Variants in UTP18 observed in about 807,000 individuals in gnomAD.
UTP18 encodes UTP18 small subunit processome component, also known as U3 small nucleolar RNA-associated protein 18 homolog.
A neutral mutation model predicts 61.1 loss-of-function variants in UTP18; 36 were observed. The observed-to-expected ratio is 0.59, with a 90% confidence interval of 0.45 to 0.78. The LOEUF is 0.78. Among genes scored for constraint, UTP18 ranks in the 30% least tolerant of loss-of-function variants. UTP18 has a pLI of 0.00. For synonymous variants in UTP18, 282 were observed against 251.1 expected (o/e 1.12, Z -1.16); for missense variants, 753 against 693.9 (o/e 1.09, Z -0.96).
At chr17:51,270,966 C>G (rs1446087997) in intron 4 of UTP18, among the ~76,000 whole-genome samples, 4 of 152,168 alleles carry the variant, frequency 2.6e-5, no homozygotes, top group Non-Finnish European at 5.9e-5. Context: ...GTGACTAGCA[C>G]TCAGCTTCAT....
At chr17:51,282,849 TTTCTTC>T (rs1180343570) in intron 9 of UTP18, among the ~76,000 whole-genome samples, 1 of 139,146 alleles carries the variant, frequency 7.2e-6, no homozygotes, top group Non-Finnish European at 1.5e-5. Flanking sequence ...TCTTCCTCCT[TTTCTTC>T]TTCTTCTTCT....
chr17:51,294,149 C>A, intron 12 of UTP18, 104 bp downstream of exon 12: 2 of 910,404 alleles, frequency 2.2e-6, no homozygotes, highest in Non-Finnish European at 3.0e-6. Flanking sequence ...AAATTCTAGT[C>A]TGTTTATCTT....
intron 7 of UTP18, 142 bp from the exon 8 acceptor site, chr17:51,279,863 C>G: frequency 1.5e-6 from 1 of 671,736 alleles, no homozygotes; most frequent in Non-Finnish European, 2.5e-6. Context: ...TGCGTTTAGA[C>G]TTATTCGGGG....
At chr17:51,281,053 C>T (rs1474252056) in intron 9 of UTP18, among the ~76,000 whole-genome samples, 2 of 151,334 alleles carry the variant, frequency 1.3e-5, no homozygotes, top group Admixed American at 6.6e-5. Flanking sequence ...TGGCGCTCGC[C>T]TGTAATCCCA....
intron 7 of UTP18, 81 bp from the exon 8 acceptor site, chr17:51,279,924 A>G: frequency 1.7e-6 from 2 of 1,173,532 alleles, no homozygotes; most frequent in East Asian, 2.6e-5. Flanking sequence ...TTTAAAAAGT[A>G]AGAAACTCAT....
At chr17:51,264,973 A>G (rs1163571529) in intron 2 of UTP18, among the ~76,000 whole-genome samples, 1 of 151,990 alleles carries the variant, frequency 6.6e-6, no homozygotes, top group African/African-American at 2.4e-5. Context: ...ATGAGCAACC[A>G]CACCTGGCCT....
chr17:51,265,110 C>T (rs2055546858), intron 2 of UTP18, among the ~76,000 whole-genome samples: 1 of 152,062 alleles, frequency 6.6e-6, no homozygotes, highest in African/African-American at 2.4e-5. Context: ...GTAGGTTTTC[C>T]CCAGCTTTCT....
chr17:51,275,728 T>G lies in UTP18; in HGVS notation c.712-138T>G, dbSNP rs184225441. On this transcript the variant is annotated intron_variant, in intron 5 of 13. Transcript: ENST00000225298. ...GCGGTTTTTTTGTTTTTTGTTTTTT[T>G]TTTTTGAGTTGTGTTTGGTTACCAT... The G allele has an allele frequency of 2.9e-4, 249 of 872,088 alleles. 1 individual carries two copies. Among genetic ancestry groups the G allele is most frequent in the East Asian group, 1.9e-3 (56 of 29,116 alleles). The allele number at this position is 872,088 out of a possible 1,614,324, so 54.0% of individuals were successfully genotyped here. A position where few individuals can be genotyped will look rare whatever the true frequency, so the allele number is the denominator to read the frequency against.
Position 51,296,577 on chromosome 17 carries a change from A to G in UTP18, c.1647-388A>G, listed in dbSNP as rs189267363. ...AGAATTTTCTTCCAAATCCTTTGGT[A>G]TTTTTATAAGTGAAATTTTTTTTTC... On this transcript the variant is annotated intron_variant, in intron 12 of 13. Coordinates refer to ENST00000225298, the MANE Select transcript of UTP18 (RefSeq NM_016001.3). 1.3e-4 allele frequency: 21 copies of G among 161,936 alleles called. No individual in the cohort carries two copies. In the East Asian group the frequency reaches 3.0e-3, roughly 23 times the overall value. The allele number at this position is 161,936 out of a possible 1,614,324, so 10.0% of individuals were successfully genotyped here.
intron 9 of UTP18, among the ~76,000 whole-genome samples, chr17:51,281,764 A>G (rs1360722115): frequency 1.3e-5 from 2 of 152,214 alleles, no homozygotes; most frequent in Admixed American, 6.5e-5. Context: ...TGTTTTCTGT[A>G]TTATTCCTTA....
rs566046358 is a variant in UTP18, at chr17:51,264,354, C to G, written c.455+968C>G. On this transcript the variant is annotated intron_variant, in intron 2 of 13. Transcript: ENST00000225298. Reference sequence around the variant, plus strand: ...AACTGCTGTGCCCAGCCTTATTTTTCCCTTTAATGCAGATTATTTCAGCAT... The same window carrying G: ...AACTGCTGTGCCCAGCCTTATTTTTGCCTTTAATGCAGATTATTTCAGCAT... 5.3e-5 allele frequency among the ~76,000 whole-genome samples: 8 copies of G among 152,238 alleles called. 1 individual carries two copies. In the East Asian group the frequency reaches 1.2e-3, roughly 22 times the overall value.
chr17:51,292,398 A>C lies in UTP18; in HGVS notation c.1504-1505A>C, dbSNP rs74411438. Among the ~76,000 whole-genome samples, 1,463 of 152,388 alleles carry C rather than the reference A, an allele frequency of 9.6e-3. 16 individuals are homozygous for C. The highest frequency in any genetic ancestry group is 0.016 in the Non-Finnish European group (1,095 of 68,038). Reference sequence around the variant, plus strand: ...CCTGCCTTCTGGCAAAGTTGAAAATAATTGAATGTGGCTTGGAGATTCACT... The same window carrying C: ...CCTGCCTTCTGGCAAAGTTGAAAATCATTGAATGTGGCTTGGAGATTCACT... On this transcript the variant is annotated intron_variant, in intron 11 of 13. Transcript: ENST00000225298.
chr17:51,288,413 C>A, intron 11 of UTP18: 1 of 531,692 alleles, frequency 1.9e-6, no homozygotes. Context: ...TTCAGTAAAG[C>A]TTTGCTGTCC....
At chr17:51,282,057 C>G (rs1355964543) in intron 9 of UTP18, among the ~76,000 whole-genome samples, 2 of 152,300 alleles carry the variant, frequency 1.3e-5, no homozygotes, top group Middle Eastern at 6.8e-3. Flanking sequence ...GACTTGTTAA[C>G]TCTTACTGTC....
At chr17:51,264,619 C>A (rs1176957938) in intron 2 of UTP18, among the ~76,000 whole-genome samples, 1 of 149,898 alleles carries the variant, frequency 6.7e-6, no homozygotes, top group East Asian at 1.9e-4. Context: ...CAGACTCTGT[C>A]AGTTTGGTAG....
chr17:51,268,174 T>C (rs1904366293), intron 3 of UTP18, among the ~76,000 whole-genome samples: 1 of 152,096 alleles, frequency 6.6e-6, no homozygotes, highest in Non-Finnish European at 1.5e-5. Flanking sequence ...TACAGGCACC[T>C]GCCAACACGC....
At chr17:51,292,601 C>A (rs145172515) in intron 11 of UTP18, among the ~76,000 whole-genome samples, 177 of 152,366 alleles carry the variant, frequency 1.2e-3, no homozygotes, top group African/African-American at 4.0e-3. Flanking sequence ...GGATGACTAA[C>A]TGCCCAGCTG....
chr17:51,292,850 G>A (rs961857068), intron 11 of UTP18, among the ~76,000 whole-genome samples: 1 of 152,186 alleles, frequency 6.6e-6, no homozygotes, highest in Non-Finnish European at 1.5e-5. Context: ...GCTTTGAGGT[G>A]AGCTTTTGGC....
At chr17:51,273,559 G>T in intron 5 of UTP18, 109 bp downstream of exon 5, 15 of 692,712 alleles carry the variant, frequency 2.2e-5, no homozygotes, top group East Asian at 6.4e-5. Flanking sequence ...GGTTAAATAT[G>T]TTTGCTGTCA....
Sources: allele counts gnomAD v4.1 joint callset (sites outside exome capture counted in the v4.1 genomes callset), GRCh38; gene constraint gnomAD v4.1.1; transcripts MANE v1.5; gene names NCBI Gene and HGNC (gene_info 2026-07-23, HGNC 2026-07-21).